Variants in NOX3 observed in about 807,000 individuals in gnomAD.
NOX3 encodes NADPH oxidase catalytic subunit-like 3.
In NOX3, 74 loss-of-function variants were observed where a neutral mutation model predicts 76.7. The observed-to-expected ratio is 0.96, with a 90% CI of 0.80 to 1.17. The LOEUF (loss-of-function observed/expected upper bound fraction) is 1.17, where lower values mean the gene tolerates loss of function less well. Among genes scored for constraint, NOX3 ranks in the 50% most tolerant of loss-of-function variants. The pLI, the probability that NOX3 is intolerant of heterozygous loss-of-function variation, is 0.00. For missense variants in NOX3, 695 were observed against 703.3 expected (o/e 0.99, Z 0.13); for synonymous variants, 263 against 261.1 (o/e 1.01, Z -0.07).
Position 155,428,457 on chromosome 6 carries a change from A to G in NOX3, c.1145+337T>C, listed in dbSNP as rs544661031. On this transcript the variant is annotated intron_variant, in intron 9 of 13. Coordinates refer to ENST00000159060, the MANE Select transcript of NOX3 (RefSeq NM_015718.3). ...CAATAAAAAAAACTCAGACTGTGAT[A>G]GAAAAAAATGCCCAGAGTTGTCTCA... Among the ~76,000 whole-genome samples, 6 of 152,336 alleles carry G rather than the reference A, an allele frequency of 3.9e-5. No individual in the cohort carries two copies. In the East Asian group the frequency reaches 1.2e-3, roughly 29 times the overall value.
chr6:155,397,310 C>G (rs575401180), intron 12 of NOX3, among the ~76,000 whole-genome samples: 20 of 152,168 alleles, frequency 1.3e-4, no homozygotes, highest in African/African-American at 4.1e-4. Context: ...GTCCATAGAG[C>G]CTAAAATGAT....
chr6:155,432,262 C>T (rs1776844291), intron 7 of NOX3, among the ~76,000 whole-genome samples: 1 of 152,070 alleles, frequency 6.6e-6, no homozygotes, highest in Admixed American at 6.5e-5. Flanking sequence ...AAAATCCTGA[C>T]ATTCTGGGAA....
intron 4 of NOX3, 100 bp from the exon 5 acceptor site, chr6:155,443,518 G>T: frequency 7.2e-7 from 1 of 1,391,606 alleles, no homozygotes; most frequent in Non-Finnish European, 9.6e-7. Flanking sequence ...CTCTGTTCTG[G>T]TTTTTGTAAT....
intron 12 of NOX3, among the ~76,000 whole-genome samples, chr6:155,401,491 T>C (rs932038650): frequency 6.6e-6 from 1 of 152,212 alleles, no homozygotes; most frequent in African/African-American, 2.4e-5. Context: ...TTCTTAAAAA[T>C]ATCATTTTAA....
rs149980019 is a variant in NOX3, at chr6:155,428,888, C to A, written c.1051G>T (p.Val351Leu). 3.7e-6 allele frequency: 6 copies of A among 1,613,490 alleles called. No individual in the cohort carries two copies. The highest frequency in any genetic ancestry group is 2.7e-5 in the African/African-American group (2 of 74,974). Residue 351 changes from valine (V) to leucine (L), a missense_variant, in exon 9 of 14, where the codon GTG becomes TTG. Physicochemically the swap from Val to Leu is conservative, Grantham distance 32. Coordinates refer to ENST00000159060, the MANE Select transcript of NOX3 (RefSeq NM_015718.3). ...CAGTCTCCTGCTGCCCGGATGTGCA[C>A]GCTGAAAAAGTCCTCCTGGGGGGCA... is the stretch of plus-strand genomic sequence containing the variant. ...TSAPQEDFFS[V>L]HIRAAGDWTA...
At chr6:155,440,979 G>A (rs985224717) in intron 5 of NOX3, among the ~76,000 whole-genome samples, 6 of 152,118 alleles carry the variant, frequency 3.9e-5, no homozygotes, top group African/African-American at 7.2e-5. Flanking sequence ...CGCCATCTCC[G>A]GGGGCCTGGA....
chr6:155,428,293 T>A (rs1014424880), intron 9 of NOX3, among the ~76,000 whole-genome samples: 4 of 152,214 alleles, frequency 2.6e-5, no homozygotes, highest in African/African-American at 9.6e-5. Context: ...AGAAATAGGG[T>A]TGCAGACATA....
chr6:155,408,473 G>A (rs1417060795), intron 11 of NOX3, among the ~76,000 whole-genome samples: 1 of 152,098 alleles, frequency 6.6e-6, no homozygotes, highest in Non-Finnish European at 1.5e-5. Flanking sequence ...CTTGCTGGGT[G>A]CAACTCATGC....
At chr6:155,396,496 G>A (rs918005768) in intron 13 of NOX3, among the ~76,000 whole-genome samples, 2 of 152,204 alleles carry the variant, frequency 1.3e-5, no homozygotes, top group Non-Finnish European at 2.9e-5. Flanking sequence ...CAGCCCACAG[G>A]CCAAATCCAG....
chr6:155,450,604 C>T (rs1404020728), intron 4 of NOX3, among the ~76,000 whole-genome samples: 5 of 152,154 alleles, frequency 3.3e-5, no homozygotes, highest in Admixed American at 3.3e-4. Context: ...AAAGTATGAC[C>T]TTAGACCCCT....
chr6:155,411,276 C>A lies in NOX3; in HGVS notation c.1393G>T (p.Glu465Ter). 1 of 1,614,004 alleles carries A rather than the reference C, an allele frequency of 6.2e-7. No homozygotes were observed. The change falls in exon 11 of 14, where the codon GAG becomes TAG. Residue 465 changes from glutamate to a stop codon, truncating the protein, a stop_gained. Coordinates refer to ENST00000159060, the MANE Select transcript of NOX3 (RefSeq NM_015718.3). LOFTEE classifies it high-confidence loss of function. ...CTCAGAAAGTGAGTTTTCCCCTGCT[C>A]ACTCATCCGTGTTTCCAGGGAGAGT... ...LLLSLETRMS[E>*]QGKTHFLSYH...
chr6:155,428,949 T>C lies in NOX3; in HGVS notation c.990A>G (p.Ile330Met). Residue 330 changes from isoleucine (I) to methionine (M), a missense_variant, in exon 9 of 14, where the codon ATA becomes ATG. Ile to Met is a conservative substitution (Grantham distance 10). Transcript: ENST00000159060. ...GQYILVQCPAISSLEWHPFTL... is the reference protein window; with the variant it reads ...GQYILVQCPAMSSLEWHPFTL... ...TGAAGGGGTGCCACTCCAGCGAAGA[T>C]ATGGCTGGGCACTGCACCAAGATGT... 6.2e-7 allele frequency: 1 copy of C among 1,614,054 alleles called. No individual in the cohort carries two copies. The highest frequency in any genetic ancestry group is 8.5e-7 in the Non-Finnish European group (1 of 1,179,984).
chr6:155,404,507 A>G (rs1172190419), intron 12 of NOX3, among the ~76,000 whole-genome samples: 2 of 152,170 alleles, frequency 1.3e-5, no homozygotes, highest in African/African-American at 2.4e-5. Context: ...CACCTGGAAA[A>G]GTCTCCAAGG....
chr6:155,449,270 T>C (rs1777104964), intron 4 of NOX3, among the ~76,000 whole-genome samples: 1 of 152,176 alleles, frequency 6.6e-6, no homozygotes, highest in African/African-American at 2.4e-5. Flanking sequence ...TGTTCACTCC[T>C]GGAACCTGGC....
chr6:155,413,563 G>A lies in NOX3; in HGVS notation c.1309-2203C>T, dbSNP rs185271516. On this transcript the variant is annotated intron_variant, in intron 10 of 13. Transcript: ENST00000159060. ...CCAGTTAGGGGTGGATTTTATATTCGAGGTTGGTGATGAATACCACTATCT... is the reference window on the plus strand; with the variant it reads ...CCAGTTAGGGGTGGATTTTATATTCAAGGTTGGTGATGAATACCACTATCT... 4.9e-4 allele frequency among the ~76,000 whole-genome samples: 75 copies of A among 152,262 alleles called. No homozygotes were observed. The East Asian group carries it at 7.3e-3, about 15-fold the overall frequency.
At chr6:155,396,277 C>A (rs903788282) in intron 13 of NOX3, among the ~76,000 whole-genome samples, 4 of 152,100 alleles carry the variant, frequency 2.6e-5, no homozygotes, top group African/African-American at 9.7e-5. Flanking sequence ...AGAGGATGAA[C>A]AAAAGCACAA....
intron 4 of NOX3, among the ~76,000 whole-genome samples, chr6:155,448,369 G>A (rs1011090235): frequency 7.9e-5 from 12 of 152,098 alleles, no homozygotes; most frequent in African/African-American, 2.4e-4. Context: ...TAAATCCAAC[G>A]CCATTAGCTA....
Position 155,440,014 on chromosome 6 carries a change from A to G in NOX3, c.610T>C (p.Trp204Arg). 1 of 1,614,138 alleles carries G rather than the reference A, an allele frequency of 6.2e-7. No homozygotes were observed. Among genetic ancestry groups the G allele is most frequent in the Non-Finnish European group, 8.5e-7 (1 of 1,179,996 alleles). Residue 204 changes from tryptophan (W) to arginine (R), a missense_variant, in exon 6 of 14, where the codon TGG (tryptophan) becomes CGG (arginine). Coordinates refer to ENST00000159060, the MANE Select transcript of NOX3 (RefSeq NM_015718.3). ...ACGATGAAAACATGGTGTGTGTACC[A>G]GAACAACTCATAGGAGGCCTGTCTG... ...FIRQASYELFWYTHHVFIVFF... is the reference protein window; with the variant it reads ...FIRQASYELFRYTHHVFIVFF...
chr6:155,439,848 G>A (rs950518113), intron 6 of NOX3, 108 bp downstream of exon 6: 5 of 877,634 alleles, frequency 5.7e-6, no homozygotes, highest in African/African-American at 5.1e-5. Context: ...CACATTATAC[G>A]AGTCCTGTAG....
Sources: gnomAD v4.1 joint callset for allele counts (sites outside exome capture counted in the v4.1 genomes callset) on GRCh38, gnomAD v4.1.1 for gene constraint, MANE v1.5 for transcripts, NCBI Gene and HGNC (gene_info 2026-07-23, HGNC 2026-07-21) for gene names.